The following CRISPLD2 variants were observed in gnomAD, a reference collection of about 807,000 sequenced individuals.
CRISPLD2 encodes cysteine-rich secretory protein LCCL domain-containing 2.
A neutral mutation model predicts 71.1 loss-of-function variants in CRISPLD2; 47 were observed. The ratio of observed to expected loss-of-function variants is 0.66; its 90% CI spans 0.52 to 0.84. The LOEUF is 0.84. Ranked by LOEUF, CRISPLD2 falls within the 40% of genes least tolerant of loss-of-function variation. CRISPLD2 has a pLI of 0.00. For missense variants in CRISPLD2, 830 were observed against 651.1 expected (o/e 1.27, Z -2.99); for synonymous variants, 317 against 250.1 (o/e 1.27, Z -2.52).
intron 1 of CRISPLD2, among the ~76,000 whole-genome samples, chr16:84,834,196 G>C (rs1445376397): frequency 6.6e-6 from 1 of 152,204 alleles, no homozygotes; most frequent in African/African-American, 2.4e-5. Context: ...AGGAGATCAC[G>C]GAGGTCAGGC....
Position 84,850,637 on chromosome 16 carries a change from G to T in CRISPLD2, c.562G>T (p.Glu188Ter). Residue 188 changes from glutamate to a stop codon, truncating the protein, a stop_gained, in exon 5 of 15, where the codon GAA (glutamate) becomes TAA (stop). Transcript: ENST00000262424. LOFTEE classifies it high-confidence loss of function. ...NTCRKMTVWGEVWENAVYFVC... is the reference protein window; with the variant it reads ...NTCRKMTVWG ...CTGCCGGAAGATGACTGTCTGGGGA[G>T]AAGTTTGGGAGAACGCGGTCTACTT... 1.2e-6 allele frequency: 2 copies of T among 1,614,208 alleles called. No homozygotes were observed. Among genetic ancestry groups the T allele is most frequent in the Non-Finnish European group, 1.7e-6 (2 of 1,180,034 alleles).
chr16:84,860,366 C>T (rs920037668), intron 6 of CRISPLD2, among the ~76,000 whole-genome samples: 1 of 152,192 alleles, frequency 6.6e-6, no homozygotes, highest in African/African-American at 2.4e-5. Flanking sequence ...TGCTTATATA[C>T]ATTTGAAAAT....
intron 13 of CRISPLD2, among the ~76,000 whole-genome samples, chr16:84,883,623 G>A (rs1223004170): frequency 6.6e-6 from 1 of 152,204 alleles, no homozygotes; most frequent in Non-Finnish European, 1.5e-5. Context: ...GATCAGTGGG[G>A]CTGGGTGGAT....
At chr16:84,893,923 G>C (rs1323984229) in intron 14 of CRISPLD2, among the ~76,000 whole-genome samples, 3 of 152,242 alleles carry the variant, frequency 2.0e-5, no homozygotes, top group African/African-American at 4.8e-5. Context: ...GGCGGTCACA[G>C]GCAGTCCCAA....
chr16:84,852,302 A>C (rs537979077), intron 5 of CRISPLD2, among the ~76,000 whole-genome samples: 3 of 152,022 alleles, frequency 2.0e-5, no homozygotes, highest in Non-Finnish European at 4.4e-5. Flanking sequence ...TACCCGTGTA[A>C]CTACCATCCA....
intron 5 of CRISPLD2, 120 bp downstream of exon 5, chr16:84,850,803 C>G (rs1004156919): frequency 8.0e-6 from 6 of 748,588 alleles, no homozygotes; most frequent in African/African-American, 1.7e-5. Context: ...AACAAAGAAT[C>G]TAGAGTTTAG....
At chr16:84,901,035 A>G (rs1426180557) in intron 14 of CRISPLD2, among the ~76,000 whole-genome samples, 5 of 146,938 alleles carry the variant, frequency 3.4e-5, no homozygotes, top group Non-Finnish European at 6.0e-5. Flanking sequence ...ACACACACAC[A>G]CACACACACG....
At chr16:84,895,364 A>T (rs1248161669) in intron 14 of CRISPLD2, among the ~76,000 whole-genome samples, 1 of 152,176 alleles carries the variant, frequency 6.6e-6, no homozygotes, top group East Asian at 1.9e-4. Context: ...GGGGCCAGGG[A>T]GACCCTTGAA....
At chr16:84,863,579 G>A (rs1917448396) in intron 6 of CRISPLD2, among the ~76,000 whole-genome samples, 1 of 152,254 alleles carries the variant, frequency 6.6e-6, no homozygotes, top group Admixed American at 6.5e-5. Context: ...AGCTGTGCGA[G>A]CCTGGGCAGG....
At position 84,861,371 on chromosome 16, in the gene CRISPLD2, A is replaced by G. The variant is rs1433419826; in HGVS notation, c.710-5526A>G. The stretch of plus-strand genomic sequence containing the variant: ...TATTAAGGAGTGTTAAACTCACACA[A>G]TCACAAGGTCCCACAGTAGGCTGTC... On this transcript the variant is annotated intron_variant, in intron 6 of 14. Coordinates refer to ENST00000262424, the MANE Select transcript of CRISPLD2 (RefSeq NM_031476.4). Among the ~76,000 whole-genome samples, 3 of 152,312 alleles carry G rather than the reference A, an allele frequency of 2.0e-5. No homozygotes were observed. The East Asian group carries it at 5.8e-4, about 29-fold the overall frequency.
chr16:84,877,281 T>TG (rs1255546711), intron 11 of CRISPLD2, among the ~76,000 whole-genome samples, 157 bp from the exon 12 acceptor site: 1 of 152,226 alleles, frequency 6.6e-6, no homozygotes, highest in East Asian at 1.9e-4. Context: ...TGCCCCTACG[T>TG]GGGGTACGAG....
At chr16:84,875,414 C>CTTTTTTTTTTTTTTTTTTTTTTTTT (rs34028519) in intron 11 of CRISPLD2, among the ~76,000 whole-genome samples, 6 of 87,772 alleles carry the variant, frequency 6.8e-5, no homozygotes, top group African/African-American at 2.8e-4. Flanking sequence ...TATGCATGGA[C>CTTTTTTTTTTTTTTTTTTTTTTTTT]TTTTTTTTTT....
intron 2 of CRISPLD2, 198 bp downstream of exon 2, chr16:84,838,933 C>A: frequency 1.3e-6 from 1 of 760,940 alleles, no homozygotes; most frequent in Non-Finnish European, 2.3e-6. Context: ...CTGCCACTGA[C>A]GCTGGAGTGC....
rs764985403 is a variant in CRISPLD2, at chr16:84,873,902, T to G, written c.1113-18T>G. 2.5e-4 allele frequency: 398 copies of G among 1,577,182 alleles called. 1 individual carries two copies. In the South Asian group the frequency reaches 2.8e-3, roughly 11 times the overall value. ...CATTTACCTAATGCCCGTTTTTTTT[T>G]TTTTTTTTTTTAAACAGCAAATACA... On this transcript the variant is annotated intron_variant, in intron 10 of 14. Transcript: ENST00000262424.
In CRISPLD2 at chr16:84,839,181, C is replaced by T. The variant is rs73250051; in HGVS notation, c.240+446C>T. On this transcript the variant is annotated intron_variant, in intron 2 of 14. Transcript: ENST00000262424. Reference sequence around the variant, plus strand: ...GGATTATAGGCATGAGTCACCCTGTCTGGCTCTGGCTCTGTTCTTAACATT... The same window carrying T: ...GGATTATAGGCATGAGTCACCCTGTTTGGCTCTGGCTCTGTTCTTAACATT... 724 of 347,948 alleles carry T rather than the reference C, an allele frequency of 2.1e-3. 8 individuals carry two copies. The highest frequency in any genetic ancestry group is 0.015 in the African/African-American group (688 of 46,718). 21.6% of individuals were successfully genotyped at this position (347,948 alleles called of 1,614,324 possible).
intron 1 of CRISPLD2, among the ~76,000 whole-genome samples, chr16:84,823,592 C>T (rs1049582761): frequency 6.6e-6 from 1 of 152,192 alleles, no homozygotes; most frequent in African/African-American, 2.4e-5. Flanking sequence ...GGCAGGGAAT[C>T]CTGAGACATC....
intron 14 of CRISPLD2, among the ~76,000 whole-genome samples, chr16:84,904,309 G>T (rs1458598877): frequency 6.6e-6 from 1 of 151,696 alleles, no homozygotes; most frequent in Admixed American, 6.6e-5. Flanking sequence ...ATTGGGCCTG[G>T]TACGGTGGCT....
chr16:84,841,070 C>T (rs1444322823), intron 2 of CRISPLD2, among the ~76,000 whole-genome samples: 1 of 152,174 alleles, frequency 6.6e-6, no homozygotes, highest in Non-Finnish European at 1.5e-5. Flanking sequence ...CTTCGATGTG[C>T]CAGGCACTGT....
chr16:84,908,652 G>A lies in CRISPLD2; in HGVS notation c.*2010G>A, dbSNP rs901401484. The A allele has an allele frequency of 6.7e-6, 1 of 148,896 alleles. No individual in the cohort carries two copies. Among genetic ancestry groups the A allele is most frequent in the Non-Finnish European group, 1.5e-5 (1 of 67,386 alleles). 9.2% of individuals were successfully genotyped at this position (148,896 alleles called of 1,614,324 possible). On this transcript the variant is annotated 3_prime_UTR_variant, in exon 15 of 15. Coordinates refer to ENST00000262424, the MANE Select transcript of CRISPLD2 (RefSeq NM_031476.4). ...CTGGGCCTTCCTAGCAGGATAGAAA[G>A]TCCTTGCCCAGAGCAGGACCTGGCT... is the stretch of plus-strand genomic sequence containing the variant.
Sources: allele counts gnomAD v4.1 joint callset (sites outside exome capture counted in the v4.1 genomes callset), GRCh38; gene constraint gnomAD v4.1.1; transcripts MANE v1.5; gene names NCBI Gene and HGNC (gene_info 2026-07-23, HGNC 2026-07-21).